Variants in LRTM3 observed in about 807,000 individuals in gnomAD.
LRTM3 encodes leucine rich repeat transmembrane protein 3.
chr13:102,748,566 T>A, the LRTM3 span: 1 of 1,550,810 alleles, frequency 6.4e-7, no homozygotes. Context: ...TTCATTCTAT[T>A]GTTCGATTCC....
the LRTM3 span, chr13:102,745,729 T>A: frequency 6.5e-7 from 1 of 1,542,336 alleles, no homozygotes; most frequent in Non-Finnish European, 8.8e-7. Context: ...TAGAATCAGA[T>A]GAGATACCAC....
At chr13:102,731,451 G>A in the LRTM3 span, 9 of 1,551,404 alleles carry the variant, frequency 5.8e-6, no homozygotes, top group South Asian at 7.1e-5. Flanking sequence ...TGACTAGTAA[G>A]CTTATTTTTT....
At chr13:102,745,414 A>G in the LRTM3 span, 1 of 1,550,716 alleles carries the variant, frequency 6.4e-7, no homozygotes, top group Non-Finnish European at 8.7e-7. Context: ...CAGGTGTCAT[A>G]GTCAGGAAAG....
chr13:102,739,997 C>A, the LRTM3 span: 1 of 1,550,464 alleles, frequency 6.4e-7, no homozygotes, highest in Non-Finnish European at 8.7e-7. Context: ...GCATATCACG[C>A]CTTTCCTAAT....
chr13:102,745,872 T>C, the LRTM3 span: 1 of 1,551,134 alleles, frequency 6.4e-7, no homozygotes, highest in Non-Finnish European at 8.7e-7. Context: ...TTCAAAATAG[T>C]TTGTGTAAAA....
chr13:102,747,950 G>T, the LRTM3 span: 1 of 1,551,190 alleles, frequency 6.4e-7, no homozygotes, highest in South Asian at 1.2e-5. Flanking sequence ...CTCTGAATTT[G>T]CCTCTTTCTC....
chr13:102,736,749 A>T, the LRTM3 span: 1 of 1,550,548 alleles, frequency 6.4e-7, no homozygotes, highest in South Asian at 1.2e-5. Flanking sequence ...ACAGCTATGT[A>T]CTCGGGATGC....
chr13:102,734,076 C>T, the LRTM3 span: 1 of 1,551,390 alleles, frequency 6.4e-7, no homozygotes, highest in Non-Finnish European at 8.7e-7. Context: ...TCATCTTTAT[C>T]TTTGTGTACT....
chr13:102,750,209 G>A, the LRTM3 span: 1 of 1,551,342 alleles, frequency 6.4e-7, no homozygotes, highest in Non-Finnish European at 8.7e-7. Flanking sequence ...TGGCAAAGAT[G>A]AGCTGATTCC....
the LRTM3 span, chr13:102,742,487 T>A: frequency 1.4e-5 from 22 of 1,550,146 alleles, no homozygotes; most frequent in Non-Finnish European, 1.9e-5. Context: ...AAATTCTTTC[T>A]TGTTTTCAAT....
At chr13:102,744,137 C>T in the LRTM3 span, 55 of 1,550,602 alleles carry the variant, frequency 3.5e-5, no homozygotes, top group East Asian at 7.8e-4. Context: ...GTACTTAAAA[C>T]GGTGTTGCTT....
the LRTM3 span, chr13:102,745,534 G>A: frequency 6.4e-7 from 1 of 1,550,992 alleles, no homozygotes; most frequent in South Asian, 1.2e-5. Context: ...CCCTGATATT[G>A]AGCATGTATG....
chr13:102,748,824 G>C, the LRTM3 span: 13 of 1,550,490 alleles, frequency 8.4e-6, no homozygotes, highest in South Asian at 1.5e-4. Flanking sequence ...TCTAGCTGAG[G>C]TAACATTTTT....
the LRTM3 span, chr13:102,743,437 A>G: frequency 2.6e-6 from 4 of 1,550,516 alleles, no homozygotes; most frequent in Non-Finnish European, 3.5e-6. Context: ...AATTGGATTC[A>G]AGTTTCTTCC....
chr13:102,750,324 A>G, the LRTM3 span: 6 of 1,544,844 alleles, frequency 3.9e-6, no homozygotes, highest in Admixed American at 9.9e-5. Context: ...CTATCTTCAA[A>G]GTTACATTCC....
chr13:102,732,265 G>A, the LRTM3 span: 1 of 1,551,326 alleles, frequency 6.4e-7, no homozygotes, highest in East Asian at 2.4e-5. Context: ...AAAGACTTCT[G>A]ATAAATATTC....
chr13:102,755,766 T>C, the LRTM3 span, among the ~76,000 whole-genome samples: 2 of 151,490 alleles, frequency 1.3e-5, no homozygotes, highest in East Asian at 3.9e-4. Flanking sequence ...ATCCTGGTTT[T>C]TTTTTTTAGA....
the LRTM3 span, chr13:102,748,505 T>A: frequency 1.9e-6 from 3 of 1,550,974 alleles, no homozygotes; most frequent in Non-Finnish European, 2.6e-6. Flanking sequence ...CTCCTCTCCA[T>A]TTGAAAGTTG....
the LRTM3 span, chr13:102,758,483 A>C: frequency 6.5e-7 from 1 of 1,536,108 alleles, no homozygotes; most frequent in Non-Finnish European, 8.8e-7. Flanking sequence ...CACAGTATCA[A>C]TGAGAAAAGC....
Sources: allele counts gnomAD v4.1 joint callset (sites outside exome capture counted in the v4.1 genomes callset), GRCh38; gene constraint gnomAD v4.1.1; transcripts MANE v1.5; gene names NCBI Gene and HGNC (gene_info 2026-07-23, HGNC 2026-07-21).